The following STAMBP variants were observed in gnomAD, a reference collection of about 807,000 sequenced individuals.
The protein encoded by STAMBP is STAM binding protein, also known as STAM-binding protein.
A neutral mutation model predicts 50.7 loss-of-function variants in STAMBP; 31 were observed. The observed-to-expected ratio is 0.61, with a 90% CI of 0.46 to 0.83. The LOEUF (loss-of-function observed/expected upper bound fraction) is 0.83, where lower values mean the gene tolerates loss of function less well. STAMBP is among the 40% of genes least tolerant of loss of function. STAMBP has a pLI of 0.00. For synonymous variants in STAMBP, 211 were observed against 192.4 expected (o/e 1.10, Z -0.80); for missense variants, 472 against 518.9 (o/e 0.91, Z 0.88).
At chr2:73,858,159 ATTTTT>A in intron 7 of STAMBP, among the ~76,000 whole-genome samples, 1 of 68,346 alleles carries the variant, frequency 1.5e-5, no homozygotes, top group African/African-American at 6.0e-5. Flanking sequence ...ATTGTTTTGT[ATTTTT>A]TTTTTTTTTT....
intron 4 of STAMBP, among the ~76,000 whole-genome samples, chr2:73,847,047 A>G (rs1328375495): frequency 1.3e-5 from 2 of 149,332 alleles, no homozygotes; most frequent in East Asian, 2.0e-4. Context: ...ATGCCATTGC[A>G]CTTCAGCCTG....
At position 73,847,450 on chromosome 2, in the gene STAMBP, CAG is replaced by C. The variant is rs1425419358; in HGVS notation, c.442_443del (p.Arg148GlyfsTer51). 1.1e-5 allele frequency: 17 copies of C among 1,613,860 alleles called. No homozygotes were observed. Among genetic ancestry groups the C allele is most frequent in the African/African-American group, 1.3e-5 (1 of 74,922 alleles). ...AIQQELEKEK[Q>X]RVAQQKQQQL... is the part of the protein sequence containing the mutation. ...CCAGCAAGAGCTGGAAAAGGAAAAA[CAG>C]AGGGTAGCACAACAGAAGCAGCAGC... On this transcript the variant is annotated frameshift_variant, in exon 5 of 10. Coordinates refer to ENST00000394070, the MANE Select transcript of STAMBP (RefSeq NM_213622.4). LOFTEE classifies it high-confidence loss of function.
chr2:73,844,841 C>G lies in STAMBP; in HGVS notation c.232C>G (p.Arg78Gly), dbSNP rs1174684647. Residue 78 changes from arginine (R) to glycine (G), a missense_variant, in exon 3 of 10, where the codon CGA (arginine) becomes GGA (glycine). Physicochemically the swap from Arg to Gly is moderately radical, Grantham distance 125. Transcript: ENST00000394070. Reference protein sequence around the residue: ...TLFIEKLPKHRDYKSAVIPEK... With the variant: ...TLFIEKLPKHGDYKSAVIPEK... ...CTTTATTGAGAAACTACCAAAACATCGAGATTACAAATCTGCTGTCATTCC... is the reference window on the plus strand; with the variant it reads ...CTTTATTGAGAAACTACCAAAACATGGAGATTACAAATCTGCTGTCATTCC... 1 of 1,613,936 alleles carries G rather than the reference C, an allele frequency of 6.2e-7. No individual in the cohort carries two copies. The highest frequency in any genetic ancestry group is 1.7e-5 in the Admixed American group (1 of 60,002).
At chr2:73,840,514 C>T (rs1337964774) in intron 2 of STAMBP, among the ~76,000 whole-genome samples, 8 of 151,604 alleles carry the variant, frequency 5.3e-5, no homozygotes, top group African/African-American at 1.9e-4. Context: ...GAGGCTGACG[C>T]GGGCAGATCA....
intron 2 of STAMBP, among the ~76,000 whole-genome samples, chr2:73,833,733 A>G (rs1238388080): frequency 6.6e-6 from 1 of 152,182 alleles, no homozygotes; most frequent in Non-Finnish European, 1.5e-5. Context: ...CAACACATGT[A>G]TATTGAGTAT....
chr2:73,847,896 G>A, intron 5 of STAMBP, 143 bp downstream of exon 5: 2 of 1,116,856 alleles, frequency 1.8e-6, no homozygotes, highest in Non-Finnish European at 2.5e-6. Flanking sequence ...TTGCTGTACT[G>A]TGTCCTAATA....
chr2:73,830,762 G>C, intron 1 of STAMBP, 83 bp from the exon 2 acceptor site: 1 of 1,009,584 alleles, frequency 9.9e-7, no homozygotes, highest in East Asian at 2.6e-5. Context: ...TTCTTCTTAA[G>C]GTAGAGGTCT....
intron 9 of STAMBP, among the ~76,000 whole-genome samples, chr2:73,860,747 G>T (rs1300834738): frequency 1.3e-5 from 2 of 152,116 alleles, no homozygotes; most frequent in Non-Finnish European, 2.9e-5. Context: ...TGATTTGATG[G>T]TGTTGCATTA....
chr2:73,862,148 A>T, intron 9 of STAMBP, 55 bp from the exon 10 acceptor site: 1 of 1,547,792 alleles, frequency 6.5e-7, no homozygotes, highest in South Asian at 1.2e-5. Context: ...AGAAAAAAAA[A>T]AAAAAGACTT....
At chr2:73,836,127 A>C (rs1674686719) in intron 2 of STAMBP, among the ~76,000 whole-genome samples, 1 of 152,248 alleles carries the variant, frequency 6.6e-6, no homozygotes, top group Non-Finnish European at 1.5e-5. Flanking sequence ...ATGTATTTAC[A>C]TGATTGCTAC....
At position 73,862,433 on chromosome 2, in the gene STAMBP, T is replaced by G. The variant is rs1678444707; in HGVS notation, c.*174T>G. The G allele has an allele frequency of 2.2e-6, 1 of 463,682 alleles. No homozygotes were observed. Among genetic ancestry groups the G allele is most frequent in the Non-Finnish European group, 3.8e-6 (1 of 265,424 alleles). The allele number at this position is 463,682 out of a possible 1,614,324, so 28.7% of individuals were successfully genotyped here. On this transcript the variant is annotated 3_prime_UTR_variant, in exon 10 of 10. Coordinates refer to ENST00000394070, the MANE Select transcript of STAMBP (RefSeq NM_213622.4). Reference sequence around the variant, plus strand: ...GTTTGAAAAGAAATAACTGAACATATTTTTTAGGCAAGTCAGAAAGAGAAC... The same window carrying G: ...GTTTGAAAAGAAATAACTGAACATAGTTTTTAGGCAAGTCAGAAAGAGAAC...
At chr2:73,851,221 C>CA (rs1337438312) in intron 7 of STAMBP, among the ~76,000 whole-genome samples, 2 of 152,230 alleles carry the variant, frequency 1.3e-5, no homozygotes, top group Non-Finnish European at 2.9e-5. Context: ...CATGTGCCTT[C>CA]TGTCCTTTCT....
Position 73,830,738 on chromosome 2 carries a change from G to A in STAMBP, c.-12-107G>A, listed in dbSNP as rs140278181. On this transcript the variant is annotated intron_variant, in intron 1 of 9. Coordinates refer to ENST00000394070, the MANE Select transcript of STAMBP (RefSeq NM_213622.4). ...TAATAGGAGCCACAGCATTTGGTAT[G>A]TTTCTCTTATATTTTCTTCTTAAGG... 872 of 848,766 alleles carry A rather than the reference G, an allele frequency of 1.0e-3. 12 individuals carry two copies. In the East Asian group the frequency reaches 0.022, roughly 21 times the overall value. 52.6% of individuals were successfully genotyped at this position (848,766 alleles called of 1,614,324 possible).
intron 7 of STAMBP, among the ~76,000 whole-genome samples, 196 bp from the exon 8 acceptor site, chr2:73,859,053 TAAAAC>T (rs1189536570): frequency 4.6e-5 from 7 of 152,170 alleles, no homozygotes; most frequent in African/African-American, 1.4e-4. Flanking sequence ...ACAACTATAA[TAAAAC>T]AGAACAGTTA....
At chr2:73,859,660 A>G (rs1454134487) in intron 8 of STAMBP, among the ~76,000 whole-genome samples, 1 of 151,672 alleles carries the variant, frequency 6.6e-6, no homozygotes, top group Admixed American at 6.6e-5. Flanking sequence ...GTTGGATTAG[A>G]AAGTTTCAAA....
chr2:73,831,081 T>C lies in STAMBP; in HGVS notation c.203+22T>C, dbSNP rs568514271. Reference sequence around the variant, plus strand: ...TCACGTAAGACACCTACAGTTTCCTTTTTCCTTTCTGGTGACTGGTGCCTC... The same window carrying C: ...TCACGTAAGACACCTACAGTTTCCTCTTTCCTTTCTGGTGACTGGTGCCTC... On this transcript the variant is annotated intron_variant, in intron 2 of 9. Coordinates refer to ENST00000394070, the MANE Select transcript of STAMBP (RefSeq NM_213622.4). 20 of 1,603,934 alleles carry C rather than the reference T, an allele frequency of 1.2e-5. No homozygotes were observed. In the Admixed American group the frequency reaches 2.5e-4, roughly 20 times the overall value.
chr2:73,866,208 A>T lies in STAMBP; in HGVS notation c.*3949A>T, dbSNP rs1678874742. The T allele has an allele frequency of 6.6e-6, 1 of 152,216 alleles. No individual in the cohort carries two copies. Among genetic ancestry groups the T allele is most frequent in the Non-Finnish European group, 1.5e-5 (1 of 68,056 alleles). 9.4% of individuals were successfully genotyped at this position (152,216 alleles called of 1,614,324 possible). On this transcript the variant is annotated 3_prime_UTR_variant, in exon 10 of 10. Transcript: ENST00000394070. The stretch of plus-strand genomic sequence containing the variant: ...CAGGTGTGTCCGGCATCATTCAATC[A>T]GCCTGTTAGATCCAGAATCCAGCAC...
Position 73,834,209 on chromosome 2 carries a change from TAAAAAAAAAA to T in STAMBP, c.203+3169_203+3178del, listed in dbSNP as rs1171586160. ...CTGGGGACAGAGCAAGATCATGTCT[TAAAAAAAAAA>T]AAAAAAAAAAAAAAAAAATATATAT... On this transcript the variant is annotated intron_variant, in intron 2 of 9. Coordinates refer to ENST00000394070, the MANE Select transcript of STAMBP (RefSeq NM_213622.4). 3.4e-3 allele frequency among the ~76,000 whole-genome samples: 29 copies of T among 8,542 alleles called. 1 individual carries two copies. The highest frequency in any genetic ancestry group is 8.0e-3 in the African/African-American group (24 of 3,002). 5.6% of individuals were successfully genotyped at this position (8,542 alleles called of 152,430 possible).
At position 73,862,255 on chromosome 2, in the gene STAMBP, G is replaced by A. The variant is rs780714201; in HGVS notation, c.1271G>A (p.Arg424Gln). 4.3e-5 allele frequency: 69 copies of A among 1,611,548 alleles called. No individual in the cohort carries two copies. The highest frequency in any genetic ancestry group is 1.6e-4 in the Middle Eastern group (1 of 6,074). ...VDRAVTITDL[R>Q] ...AGAGCAGTGACCATCACAGACCTTC[G>A]ATGAGCGTTTGAGTCCAACACCTTC... The change falls in exon 10 of 10, where the codon CGA becomes CAA. Residue 424 changes from arginine to glutamine, a missense_variant. Physicochemically the swap from Arg to Gln is conservative, Grantham distance 43 (BLOSUM62 1). Coordinates refer to ENST00000394070, the MANE Select transcript of STAMBP (RefSeq NM_213622.4).
Sources: gnomAD v4.1 joint callset for allele counts (sites outside exome capture counted in the v4.1 genomes callset) on GRCh38, gnomAD v4.1.1 for gene constraint, MANE v1.5 for transcripts, NCBI Gene and HGNC (gene_info 2026-07-23, HGNC 2026-07-21) for gene names.